The following FAM47E variants were observed in gnomAD, a reference collection of about 807,000 sequenced individuals.
FAM47E encodes the protein protein FAM47E.
Under a neutral mutation model 41.6 loss-of-function variants are expected in FAM47E, and 32 were observed. That is an observed-to-expected ratio of 0.77 (90% confidence interval 0.58 to 1.03). The LOEUF is 1.03. Ranked by LOEUF, FAM47E falls within the 50% of genes least tolerant of loss-of-function variation. FAM47E has a pLI of 0.00. For missense variants in FAM47E, 424 were observed against 485.4 expected (o/e 0.87, Z 1.19); for synonymous variants, 184 against 188.7 (o/e 0.98, Z 0.20).
chr4:76,215,800 C>T (rs1329383886), intron 1 of FAM47E, among the ~76,000 whole-genome samples: 5 of 152,072 alleles, frequency 3.3e-5, no homozygotes, highest in East Asian at 3.9e-4. Flanking sequence ...CCCACCAGTC[C>T]CCAGCTGTCC....
chr4:76,271,692 G>C lies in FAM47E; in HGVS notation c.794G>C (p.Ser265Thr), dbSNP rs1460847469. The C allele has an allele frequency of 3.9e-6, 6 of 1,551,950 alleles. No individual in the cohort carries two copies. The highest frequency in any genetic ancestry group is 5.2e-6 in the Non-Finnish European group (6 of 1,147,032). Residue 265 changes from serine (S) to threonine (T), a missense_variant, in exon 5 of 8, where the codon AGT becomes ACT. Physicochemically the swap from Ser to Thr is moderately conservative, Grantham distance 58. Coordinates refer to ENST00000424749, the MANE Select transcript of FAM47E (RefSeq NM_001136570.3). Reference sequence around the variant, plus strand: ...CAGGTTCCTCTGGAGCTAAAGCGTAGTGTGGGGCTCAGTAAACTGCAGGAG... The same window carrying C: ...CAGGTTCCTCTGGAGCTAAAGCGTACTGTGGGGCTCAGTAAACTGCAGGAG... The part of the protein sequence containing the change: ...LNQVPLELKR[S>T]VGLSKLQETE...
intron 2 of FAM47E, 81 bp downstream of exon 2, chr4:76,256,604 T>C: frequency 1.4e-6 from 2 of 1,418,166 alleles, no homozygotes; most frequent in Non-Finnish European, 1.9e-6. Flanking sequence ...GAAGTCCCCA[T>C]GAGAGGGTGA....
intron 2 of FAM47E, among the ~76,000 whole-genome samples, chr4:76,230,335 A>G (rs1008529698): frequency 6.6e-6 from 1 of 152,128 alleles, no homozygotes; most frequent in Admixed American, 6.5e-5. Flanking sequence ...ACTCCCACAC[A>G]GCTGGTGAGG....
intron 2 of FAM47E, among the ~76,000 whole-genome samples, chr4:76,222,252 A>T (rs1264836087): frequency 1.3e-5 from 2 of 148,370 alleles, no homozygotes; most frequent in African/African-American, 5.0e-5. Context: ...TCTGAGACCG[A>T]GTCTCACTCT....
chr4:76,216,608 A>G (rs544119778), intron 1 of FAM47E, among the ~76,000 whole-genome samples: 28 of 152,302 alleles, frequency 1.8e-4, no homozygotes, highest in Non-Finnish European at 3.7e-4. Context: ...TGATAAATGT[A>G]TCTTAGTGTG....
chr4:76,247,910 C>CTTTTTTTTT (rs753751295), upstream of FAM47E, among the ~76,000 whole-genome samples: 65 of 86,838 alleles, frequency 7.5e-4, 3 homozygotes, highest in South Asian at 1.1e-3. Flanking sequence ...CACTCTCTCT[C>CTTTTTTTTT]TTTTTTTTTT....
chr4:76,262,259 G>GA (rs1734449860), intron 2 of FAM47E, among the ~76,000 whole-genome samples: 1 of 151,916 alleles, frequency 6.6e-6, no homozygotes, highest in African/African-American at 2.4e-5. Flanking sequence ...AGCCCTAAAA[G>GA]AAAAAAAGCA....
chr4:76,256,039 G>A (rs972499953), intron 1 of FAM47E, 139 bp from the exon 2 acceptor site: 1 of 914,150 alleles, frequency 1.1e-6, no homozygotes, highest in Non-Finnish European at 1.6e-6. Context: ...CTTCTCCAGT[G>A]AATCCCACTT....
In FAM47E at chr4:76,224,037, A is replaced by G. The variant is rs546349096; in HGVS notation, c.81+6349A>G. On this transcript the variant is annotated intron_variant, in intron 2 of 7. Transcript: ENST00000510197. ...CAAACCAGGAGACCTCCCCACAAAC[A>G]CAGAAGGGAAAGACAATTTATTATT... is the stretch of plus-strand genomic sequence containing the variant. 9.2e-5 allele frequency among the ~76,000 whole-genome samples: 14 copies of G among 152,350 alleles called. No individual in the cohort carries two copies. In the South Asian group the frequency reaches 2.9e-3, roughly 32 times the overall value.
chr4:76,256,447 T>A lies in FAM47E; in HGVS notation c.344T>A (p.Leu115Gln). 6.4e-7 allele frequency: 1 copy of A among 1,551,958 alleles called. No individual in the cohort carries two copies. Among genetic ancestry groups the A allele is most frequent in the Non-Finnish European group, 8.7e-7 (1 of 1,147,198 alleles). ...SPAQQARKAF[L>Q]EDVEAHLTPH... is the part of the protein sequence containing the mutation. ...GCCCAGCAGGCTCGGAAGGCATTCC[T>A]GGAGGACGTGGAGGCCCACCTGACC... Residue 115 changes from leucine to glutamine, a missense_variant, in exon 2 of 8, where the codon CTG (leucine) becomes CAG (glutamine). Coordinates refer to ENST00000424749, the MANE Select transcript of FAM47E (RefSeq NM_001136570.3).
intron 5 of FAM47E, among the ~76,000 whole-genome samples, chr4:76,276,274 T>A (rs984942976): frequency 6.6e-6 from 1 of 151,386 alleles, no homozygotes; most frequent in Non-Finnish European, 1.5e-5. Flanking sequence ...GATCAGAAAA[T>A]ATATAGCATA....
In FAM47E at chr4:76,268,759, T is replaced by C. The variant is rs1734755578; in HGVS notation, c.660T>C (p.Leu220=). 1 of 1,551,496 alleles carries C rather than the reference T, an allele frequency of 6.4e-7. No homozygotes were observed. Among genetic ancestry groups the C allele is most frequent in the Non-Finnish European group, 8.7e-7 (1 of 1,146,926 alleles). The change falls in exon 4 of 8, where the codon CTT becomes CTC. Residue 220 remains leucine, a synonymous_variant. Transcript: ENST00000424749. ...ATGAAAATGGTCCTCGTCCTGGTCT[T>C]CATGAAAATGTATGCAAAGCAGTTA... ...LLHENGPRPG[L]HENGISDIDE...
chr4:76,244,527 A>ATTC (rs1733781520), intron 2 of FAM47E, among the ~76,000 whole-genome samples: 2 of 128,734 alleles, frequency 1.6e-5, no homozygotes, highest in Non-Finnish European at 3.3e-5. Flanking sequence ...GTTTGCAGGC[A>ATTC]TTCTTCTTTT....
At chr4:76,229,787 T>C (rs1163316461) in intron 2 of FAM47E, among the ~76,000 whole-genome samples, 1 of 152,222 alleles carries the variant, frequency 6.6e-6, no homozygotes, top group African/African-American at 2.4e-5. Context: ...GTAGATATGC[T>C]TAGTGTGCTG....
chr4:76,266,574 A>G lies in FAM47E; in HGVS notation c.561-2086A>G, dbSNP rs1004875648. ...GCCTGGATTGTTGCAATAGCTTACT[A>G]ACTGGTCTCATGGCCTCCACCCAAG... On this transcript the variant is annotated intron_variant, in intron 3 of 7. Transcript: ENST00000424749. Among the ~76,000 whole-genome samples, 3 of 152,174 alleles carry G rather than the reference A, an allele frequency of 2.0e-5. No individual in the cohort carries two copies. The South Asian group carries it at 6.2e-4, about 31-fold the overall frequency.
chr4:76,256,713 G>A (rs189754242), intron 2 of FAM47E, among the ~76,000 whole-genome samples, 190 bp downstream of exon 2: 1 of 152,270 alleles, frequency 6.6e-6, no homozygotes, highest in Non-Finnish European at 1.5e-5. Flanking sequence ...AACACAATCA[G>A]CAGCAACATG....
At chr4:76,251,895 TG>T in intron 1 of FAM47E, 75 bp downstream of exon 1, 1 of 1,353,718 alleles carries the variant, frequency 7.4e-7, no homozygotes, top group Non-Finnish European at 9.4e-7. Flanking sequence ...CCGCGCTTGC[TG>T]GGGCGGGGGC....
At chr4:76,214,255 ACCAGGTG>A (rs1381372007) in exon 1 of FAM47E, 1 of 455,520 alleles carries the variant, frequency 2.2e-6, no homozygotes, top group Admixed American at 2.3e-5. Context: ...AAGTGCTTCT[ACCAGGTG>A]CCTGCTGAGA....
At chr4:76,268,897 T>C in intron 4 of FAM47E, 129 bp downstream of exon 4, 1 of 1,169,348 alleles carries the variant, frequency 8.6e-7, no homozygotes, top group Non-Finnish European at 1.2e-6. Flanking sequence ...GGATAAAATC[T>C]AAGTCAAATC....
Sources: gnomAD v4.1 joint callset for allele counts (sites outside exome capture counted in the v4.1 genomes callset) on GRCh38, gnomAD v4.1.1 for gene constraint, MANE v1.5 for transcripts, NCBI Gene and HGNC (gene_info 2026-07-23, HGNC 2026-07-21) for gene names.